CHP1: variants seen among roughly 807,000 people sequenced by gnomAD.
CHP1 encodes the protein calcineurin B homologous protein 1.
Under a neutral mutation model 27.4 loss-of-function variants are expected in CHP1, and 11 were observed. The ratio of observed to expected loss-of-function variants is 0.40; its 90% CI spans 0.25 to 0.67. The LOEUF (loss-of-function observed/expected upper bound fraction) is 0.67. CHP1 is among the 30% of genes least tolerant of loss of function. CHP1 has a pLI of 0.38. For missense variants in CHP1, 169 were observed against 251.3 expected, an observed-to-expected ratio of 0.67 and a Z score of 2.22; for synonymous variants, 89 against 87.4, an observed-to-expected ratio of 1.02 and a Z score of -0.10.
chr15:41,269,348 T>C (rs1347963208), intron 4 of CHP1, among the ~76,000 whole-genome samples: 1 of 152,234 alleles, frequency 6.6e-6, no homozygotes, highest in Non-Finnish European at 1.5e-5. Context: ...GATTTTAAAA[T>C]TACTTTTATG....
intron 1 of CHP1, 103 bp from the exon 2 acceptor site, chr15:41,243,564 C>A: frequency 1.3e-6 from 1 of 773,080 alleles, no homozygotes; most frequent in Non-Finnish European, 2.2e-6. Flanking sequence ...AGAGTTTCGA[C>A]ATCCCAGTCC....
At chr15:41,276,993 T>G (rs1467575939) in intron 5 of CHP1, among the ~76,000 whole-genome samples, 1 of 152,150 alleles carries the variant, frequency 6.6e-6, no homozygotes, top group East Asian at 1.9e-4. Flanking sequence ...GTAAGAAGAA[T>G]GAGGAAGGGC....
chr15:41,267,928 T>C (rs1390788352), intron 4 of CHP1, among the ~76,000 whole-genome samples: 1 of 93,834 alleles, frequency 1.1e-5, no homozygotes. Context: ...GCCCTATCTC[T>C]TAAAAAAAAA....
At chr15:41,240,503 C>T (rs1247724396) in intron 1 of CHP1, among the ~76,000 whole-genome samples, 2 of 152,108 alleles carry the variant, frequency 1.3e-5, no homozygotes, top group Admixed American at 6.5e-5. Context: ...CCTGTAATCC[C>T]AGCACTTTGG....
chr15:41,245,913 CT>C (rs1260035012), intron 2 of CHP1, among the ~76,000 whole-genome samples: 6 of 152,052 alleles, frequency 3.9e-5, no homozygotes. Context: ...CCTATATCTT[CT>C]TGTAAGGGCT....
chr15:41,278,848 C>T lies in CHP1; in HGVS notation c.493C>T (p.Gln165Ter). 1 of 1,614,166 alleles carries T rather than the reference C, an allele frequency of 6.2e-7. No individual in the cohort carries two copies. Reference sequence around the variant, plus strand: ...AGACAGGACCATTCAGGAGGCTGATCAGGATGGGGACAGTGCCATATCTTT... The same window carrying T: ...AGACAGGACCATTCAGGAGGCTGATTAGGATGGGGACAGTGCCATATCTTT... ...IADRTIQEAD[Q>*]DGDSAISFTE... The change falls in exon 6 of 7, where the codon CAG becomes TAG. Residue 165 changes from glutamine to a stop codon, truncating the protein, a stop_gained. Coordinates refer to ENST00000334660, the MANE Select transcript of CHP1 (RefSeq NM_007236.5). LOFTEE classifies it high-confidence loss of function.
Position 41,231,340 on chromosome 15 carries a change from C to T in CHP1, c.-43C>T. ...CTCCCTCCTTCCCTCCTGTCGCCGT[C>T]TCTTCTGGCGCCGCTGCTCCCGGAG... On this transcript the variant is annotated 5_prime_UTR_variant, in exon 1 of 7. Transcript: ENST00000334660. 1 of 1,559,756 alleles carries T rather than the reference C, an allele frequency of 6.4e-7. No individual in the cohort carries two copies. Among genetic ancestry groups the T allele is most frequent in the Non-Finnish European group, 8.7e-7 (1 of 1,148,382 alleles).
At chr15:41,247,984 T>TA (rs1555420177) in intron 2 of CHP1, among the ~76,000 whole-genome samples, 32 of 138,056 alleles carry the variant, frequency 2.3e-4, no homozygotes, top group Admixed American at 9.4e-4. Context: ...AAAAAATAAA[T>TA]AAATAAAATA....
At chr15:41,253,061 C>G (rs1220775455) in intron 2 of CHP1, among the ~76,000 whole-genome samples, 3 of 150,640 alleles carry the variant, frequency 2.0e-5, no homozygotes, top group African/African-American at 7.3e-5. Context: ...TTCTCAGCCT[C>G]CAGAGTAGCT....
chr15:41,249,629 C>T (rs2047354641), intron 2 of CHP1, among the ~76,000 whole-genome samples: 1 of 151,792 alleles, frequency 6.6e-6, no homozygotes, highest in African/African-American at 2.4e-5. Context: ...CCCGCCACCA[C>T]ACCCAGCTAA....
intron 5 of CHP1, among the ~76,000 whole-genome samples, chr15:41,273,505 C>T (rs1043621083): frequency 2.0e-5 from 3 of 152,062 alleles, no homozygotes; most frequent in African/African-American, 7.2e-5. Flanking sequence ...ACTCAGCCTC[C>T]AGTGTAGCTG....
At chr15:41,255,236 C>G (rs1056457161) in intron 2 of CHP1, among the ~76,000 whole-genome samples, 5 of 152,294 alleles carry the variant, frequency 3.3e-5, no homozygotes, top group South Asian at 2.1e-4. Context: ...CTTTAGCCCC[C>G]CCTTGATCTG....
chr15:41,271,631 C>G (rs1216866792), intron 5 of CHP1, among the ~76,000 whole-genome samples: 2 of 152,036 alleles, frequency 1.3e-5, no homozygotes, highest in Non-Finnish European at 2.9e-5. Context: ...TGCTGGTGTA[C>G]CCTGAGCTAA....
chr15:41,264,467 TCTCA>T (rs548369764), intron 4 of CHP1, among the ~76,000 whole-genome samples: 1 of 152,160 alleles, frequency 6.6e-6, no homozygotes, highest in Non-Finnish European at 1.5e-5. Context: ...TGAGATAGGG[TCTCA>T]CTCTGTCACC....
At position 41,256,915 on chromosome 15, in the gene CHP1, A is replaced by G; in HGVS notation, c.146A>G (p.Glu49Gly). ...DKGENGTLSR[E>G]DFQRIPELAI... ...CAAGGTGATTCTCTTGGCAGCCGGG[A>G]AGATTTCCAGAGGATTCCAGAACTT... The change falls in exon 3 of 7, where the codon GAA (glutamate) becomes GGA (glycine). Residue 49 changes from glutamate to glycine, a missense_variant. Physicochemically the swap from Glu to Gly is moderately conservative, Grantham distance 98 (BLOSUM62 -2). Coordinates refer to ENST00000334660, the MANE Select transcript of CHP1 (RefSeq NM_007236.5). 2 of 1,614,078 alleles carry G rather than the reference A, an allele frequency of 1.2e-6. No individual in the cohort carries two copies. The highest frequency in any genetic ancestry group is 1.7e-6 in the Non-Finnish European group (2 of 1,179,942).
At chr15:41,237,411 G>C (rs999363165) in intron 1 of CHP1, among the ~76,000 whole-genome samples, 2 of 152,102 alleles carry the variant, frequency 1.3e-5, no homozygotes, top group African/African-American at 2.4e-5. Flanking sequence ...GCCTCCCAAA[G>C]GGCTAGGATT....
At chr15:41,272,126 A>T (rs2047492614) in intron 5 of CHP1, 1 of 152,102 alleles carries the variant, frequency 6.6e-6, no homozygotes, top group Non-Finnish European at 1.5e-5. Flanking sequence ...ACATATGTTA[A>T]ACCTTATCCA....
rs1364229820 is a variant in CHP1, at chr15:41,265,051, A to G, written c.349+2168A>G. 2.0e-5 allele frequency among the ~76,000 whole-genome samples: 3 copies of G among 152,096 alleles called. No individual in the cohort carries two copies. The East Asian group carries it at 5.8e-4, about 29-fold the overall frequency. ...ACCTAGCAATACATTTGCCACTGAGACACATTTACCTTAGAGAAAGGGGAT... is the reference window on the plus strand; with the variant it reads ...ACCTAGCAATACATTTGCCACTGAGGCACATTTACCTTAGAGAAAGGGGAT... On this transcript the variant is annotated intron_variant, in intron 4 of 6. Coordinates refer to ENST00000334660, the MANE Select transcript of CHP1 (RefSeq NM_007236.5).
At chr15:41,237,210 G>A (rs779356538) in intron 1 of CHP1, among the ~76,000 whole-genome samples, 7 of 148,992 alleles carry the variant, frequency 4.7e-5, no homozygotes, top group Non-Finnish European at 1.0e-4. Flanking sequence ...GCAGTGGCGC[G>A]ATCTCAGCTC....
Sources: allele counts gnomAD v4.1 joint callset (sites outside exome capture counted in the v4.1 genomes callset), GRCh38; gene constraint gnomAD v4.1.1; transcripts MANE v1.5; gene names NCBI Gene and HGNC (gene_info 2026-07-23, HGNC 2026-07-21).